The following KCNIP2 variants were observed in gnomAD, a reference collection of about 807,000 sequenced individuals.
KCNIP2 encodes the protein A-type potassium channel modulatory protein KCNIP2.
KCNIP2 carries 19 observed loss-of-function variants against 39.0 expected under a neutral mutation model. That is an observed-to-expected ratio of 0.49 (90% CI 0.34 to 0.71). The LOEUF is 0.71. KCNIP2 is among the 30% of genes least tolerant of loss of function. The pLI is 0.01. For synonymous variants in KCNIP2, 111 were observed against 131.2 expected (o/e 0.85, Z 1.05); for missense variants, 261 against 346.0 (o/e 0.75, Z 1.95).
rs1422772535 is a variant in KCNIP2 at position 101,828,710 on chromosome 10, GCA to G, written c.349-16_349-15del. 1 of 1,614,094 alleles carries G rather than the reference GCA, an allele frequency of 6.2e-7. No individual in the cohort carries two copies. Among genetic ancestry groups the G allele is most frequent in the Admixed American group, 1.7e-5 (1 of 60,018 alleles). Reference sequence around the variant, plus strand: ...GCTGGGACATTCCTGGAAGGAGAGGGCACCAGGCTGAGGGCAGAGACAAAATC... The same window carrying G: ...GCTGGGACATTCCTGGAAGGAGAGGGCCAGGCTGAGGGCAGAGACAAAATC... On this transcript the variant is annotated splice_polypyrimidine_tract_variant and intron_variant, in intron 4 of 9. Coordinates refer to ENST00000356640, the MANE Select transcript of KCNIP2 (RefSeq NM_173191.3). The surrounding 1 kb of genome is among the most constrained non-coding windows in gnomAD (Gnocchi z 6.6).
chr10:101,840,012 A>G, intron 1 of KCNIP2: 1 of 179,580 alleles, frequency 5.6e-6, no homozygotes, highest in Non-Finnish European at 9.3e-6. Context: ...AGAGGAGCTC[A>G]CCCTGGCCCC....
At chr10:101,840,679 GA>G (rs1365372456) in intron 1 of KCNIP2, among the ~76,000 whole-genome samples, 1 of 152,050 alleles carries the variant, frequency 6.6e-6, no homozygotes, top group African/African-American at 2.4e-5. Flanking sequence ...GCCTACGGGA[GA>G]GATATAGTCC....
At chr10:101,836,302 G>T (rs113555024) in intron 1 of KCNIP2, among the ~76,000 whole-genome samples, 22 of 130,630 alleles carry the variant, frequency 1.7e-4, no homozygotes, top group African/African-American at 5.7e-4. Context: ...TTTTGAGACA[G>T]AGTCTCGTTC....
At chr10:101,830,769 T>TACAC (rs3837343) in intron 2 of KCNIP2, among the ~76,000 whole-genome samples, 10,032 of 119,984 alleles carry the variant, frequency 0.084, 689 homozygotes, top group East Asian at 0.44. Context: ...CGCCTCCCCA[T>TACAC]ACACACACAC....
intron 2 of KCNIP2, chr10:101,830,471 C>A (rs1307216892): frequency 2.3e-6 from 3 of 1,280,320 alleles, no homozygotes; most frequent in South Asian, 1.3e-5. Flanking sequence ...TCTACACAGG[C>A]CGCCACAGCT....
intron 3 of KCNIP2, 167 bp from the exon 4 acceptor site, chr10:101,829,366 G>T: frequency 1.2e-6 from 1 of 847,412 alleles, no homozygotes; most frequent in Non-Finnish European, 1.7e-6. Flanking sequence ...AAGGAGAAAA[G>T]ATGATGGCCA....
intron 1 of KCNIP2, chr10:101,839,813 T>C (rs2066268720): frequency 1.2e-6 from 2 of 1,610,394 alleles, no homozygotes; most frequent in East Asian, 4.5e-5. Flanking sequence ...CCCAGCGGGC[T>C]CCGGCACCTG....
chr10:101,827,395 C>T lies in KCNIP2; in HGVS notation c.771G>A (p.Glu257=), dbSNP rs777248815. The T allele has an allele frequency of 1.9e-6, 3 of 1,605,548 alleles. No individual in the cohort carries two copies. Among genetic ancestry groups the T allele is most frequent in the Non-Finnish European group, 2.6e-6 (3 of 1,173,446 alleles). ...AGAGCTGCATGGACCTCATGATGTT[C>T]TCATCCTGTGGCCATGATGTGAGCG... ...EEFIESCQKD[E]NIMRSMQLFD... is the part of the protein sequence containing the mutation. The change falls in exon 10 of 10, where the codon GAG becomes GAA. Residue 257 remains glutamate, a synonymous_variant. Transcript: ENST00000356640.
chr10:101,832,296 C>G (rs1052982018), intron 1 of KCNIP2, among the ~76,000 whole-genome samples: 11 of 140,068 alleles, frequency 7.9e-5, no homozygotes, highest in East Asian at 6.3e-4. Context: ...CTCAGTGTTA[C>G]TGTGTGTGTG....
intron 3 of KCNIP2, 111 bp from the exon 4 acceptor site, chr10:101,829,310 G>T: frequency 7.3e-7 from 1 of 1,370,266 alleles, no homozygotes; most frequent in Non-Finnish European, 9.6e-7. Context: ...CGATGCCGGA[G>T]ACCAGGCTGC....
rs1196592267 is a variant in KCNIP2, at chr10:101,827,027, C to T, written c.*326G>A. The T allele has an allele frequency of 7.6e-6, 2 of 264,690 alleles. No individual in the cohort carries two copies. Among genetic ancestry groups the T allele is most frequent in the Admixed American group, 4.9e-5 (1 of 20,260 alleles). 16.4% of individuals were successfully genotyped at this position (264,690 alleles called of 1,614,324 possible). ...ATGGGGGAAGCACCATAGCAGGAGA[C>T]ATCTGTCTAGTGTGTTTCTAGAGTA... On this transcript the variant is annotated 3_prime_UTR_variant, in exon 10 of 10. Coordinates refer to ENST00000356640, the MANE Select transcript of KCNIP2 (RefSeq NM_173191.3).
In KCNIP2 at chr10:101,827,243, C is replaced by T; in HGVS notation, c.*110G>A. ...CCCAAGCTCTTGGATCCCTCCAGCC[C>T]CCAGGGAGGCGTAGGATGAGGATAG... On this transcript the variant is annotated 3_prime_UTR_variant, in exon 10 of 10. Coordinates refer to ENST00000356640, the MANE Select transcript of KCNIP2 (RefSeq NM_173191.3). 3 of 1,371,228 alleles carry T rather than the reference C, an allele frequency of 2.2e-6. No individual in the cohort carries two copies. The highest frequency in any genetic ancestry group is 2.8e-6 in the Non-Finnish European group (3 of 1,056,960). 84.9% of individuals were successfully genotyped at this position (1,371,228 alleles called of 1,614,324 possible).
Position 101,828,300 on chromosome 10 carries a change from T to A in KCNIP2, c.490-42A>T, listed in dbSNP as rs763507404. Reference sequence around the variant, plus strand: ...AGGGAGCTGTGTCCTCGGGTACTCTTCACCCAACTCCTTCTCTGGGTTTGG... The same window carrying A: ...AGGGAGCTGTGTCCTCGGGTACTCTACACCCAACTCCTTCTCTGGGTTTGG... On this transcript the variant is annotated intron_variant, in intron 6 of 9. Transcript: ENST00000356640. The surrounding 1 kb of genome is among the most constrained non-coding windows in gnomAD (Gnocchi z 6.6). 6.2e-7 allele frequency: 1 copy of A among 1,610,332 alleles called. No homozygotes were observed. Among genetic ancestry groups the A allele is most frequent in the Non-Finnish European group, 8.5e-7 (1 of 1,176,540 alleles).
At chr10:101,830,387 G>A in intron 2 of KCNIP2, 2 of 1,284,344 alleles carry the variant, frequency 1.6e-6, no homozygotes, top group South Asian at 1.3e-5. Flanking sequence ...AAACACGGTG[G>A]GGAAGGGGGC....
chr10:101,839,811 G>T (rs532771855), intron 1 of KCNIP2: 1 of 1,610,234 alleles, frequency 6.2e-7, no homozygotes, highest in East Asian at 2.3e-5. Flanking sequence ...GCCCCAGCGG[G>T]CTCCGGCACC....
In KCNIP2 at chr10:101,828,214, A is replaced by G; in HGVS notation, c.534T>C (p.Asp178=). ...GGTTGAAGGCCCAATTAAGCCTGTCATCTACAGTTCCCCGAAGAATCACGG... is the reference window on the plus strand; with the variant it reads ...GGTTGAAGGCCCAATTAAGCCTGTCGTCTACAGTTCCCCGAAGAATCACGG... ...GLSVILRGTV[D]DRLNWAFNLY... is the part of the protein sequence containing the mutation. The change falls in exon 7 of 10, where the codon GAT becomes GAC. Residue 178 remains aspartate, a synonymous_variant. Transcript: ENST00000356640. The surrounding 1 kb of genome is among the most constrained non-coding windows in gnomAD (Gnocchi z 6.6). The G allele has an allele frequency of 6.2e-7, 1 of 1,614,102 alleles. No homozygotes were observed. The highest frequency in any genetic ancestry group is 8.5e-7 in the Non-Finnish European group (1 of 1,180,028).
intron 1 of KCNIP2, among the ~76,000 whole-genome samples, chr10:101,837,597 C>T (rs11191127): frequency 0.21 from 32,050 of 151,876 alleles, 4,072 homozygotes; most frequent in Non-Finnish European, 0.29. Flanking sequence ...ACCTGGGAGG[C>T]GGAGGTTGCA....
chr10:101,837,665 C>CAAT (rs1222452040), intron 1 of KCNIP2, among the ~76,000 whole-genome samples: 3 of 151,926 alleles, frequency 2.0e-5, no homozygotes, highest in Admixed American at 6.6e-5. Flanking sequence ...AACTCTGTCT[C>CAAT]AATAATAATA....
intron 8 of KCNIP2, 68 bp from the exon 9 acceptor site, chr10:101,827,819 G>A: frequency 2.0e-6 from 3 of 1,534,056 alleles, no homozygotes; most frequent in Non-Finnish European, 2.7e-6. Flanking sequence ...GAAGTCAGGT[G>A]AGTTCCCTGC....
Sources: allele counts gnomAD v4.1 joint callset (sites outside exome capture counted in the v4.1 genomes callset), GRCh38; gene constraint gnomAD v4.1.1; non-coding constraint Gnocchi (gnomAD v3.1); transcripts MANE v1.5; gene names NCBI Gene and HGNC (gene_info 2026-07-23, HGNC 2026-07-21).